Variants in NRG3 observed in about 807,000 individuals in gnomAD.
The protein encoded by NRG3 is pro-neuregulin-3, membrane-bound isoform.
NRG3 carries 31 observed loss-of-function variants against 66.9 expected under a neutral mutation model. That is an observed-to-expected ratio of 0.46 (90% confidence interval 0.35 to 0.63). NRG3 has a LOEUF of 0.63. Among genes scored for constraint, NRG3 ranks in the 20% least tolerant of loss-of-function variants. NRG3 has a pLI of 0.00. For missense variants in NRG3, 910 were observed against 878.9 expected, an observed-to-expected ratio of 1.04 and a Z score of -0.45; for synonymous variants, 393 against 359.4, an observed-to-expected ratio of 1.09 and a Z score of -1.06.
intron 2 of NRG3, among the ~76,000 whole-genome samples, chr10:82,406,712 G>T (rs1167294606): frequency 7.9e-5 from 12 of 152,028 alleles, no homozygotes. Flanking sequence ...TGACTCCTGA[G>T]GATTTTTTTT....
chr10:81,996,009 T>C (rs112339367), intron 1 of NRG3, among the ~76,000 whole-genome samples: 21 of 152,326 alleles, frequency 1.4e-4, no homozygotes, highest in African/African-American at 5.0e-4. Context: ...TCTGGAATTT[T>C]TTTTTCTTTA....
At chr10:82,503,206 G>T (rs1844363644) in intron 2 of NRG3, among the ~76,000 whole-genome samples, 1 of 152,144 alleles carries the variant, frequency 6.6e-6, no homozygotes. Flanking sequence ...TTTACAAGCT[G>T]TGTAAATATT....
intron 4 of NRG3, among the ~76,000 whole-genome samples, chr10:82,877,414 T>C (rs1349608435): frequency 6.7e-6 from 1 of 148,882 alleles, no homozygotes; most frequent in Non-Finnish European, 1.5e-5. Context: ...AATTTCTCTC[T>C]TGTTGCCCAG....
At chr10:82,386,580 C>T (rs1008948763) in intron 2 of NRG3, among the ~76,000 whole-genome samples, 3 of 152,014 alleles carry the variant, frequency 2.0e-5, no homozygotes, top group African/African-American at 4.8e-5. Flanking sequence ...GAAATCTTAT[C>T]GAACATTTAA....
chr10:82,016,037 G>A (rs1289039131), intron 1 of NRG3, among the ~76,000 whole-genome samples: 1 of 150,804 alleles, frequency 6.6e-6, no homozygotes, highest in East Asian at 1.9e-4. Flanking sequence ...ATATGAGGTA[G>A]TTAGCAACTG....
At chr10:82,212,236 A>G (rs2075433970) in intron 1 of NRG3, among the ~76,000 whole-genome samples, 2 of 152,202 alleles carry the variant, frequency 1.3e-5, no homozygotes. Flanking sequence ...TGAGGAGCAA[A>G]GAAGCACCTC....
In NRG3 at chr10:82,715,842, G is replaced by T. The variant is rs890280062; in HGVS notation, c.954-22735G>T. On this transcript the variant is annotated intron_variant, in intron 2 of 8. Transcript: ENST00000372141. The stretch of plus-strand genomic sequence containing the variant: ...GGTTGAATTTCAGGTCACCATCATG[G>T]TTGTACCTGTTGAGGGGCCTCCTCC... Among the ~76,000 whole-genome samples the T allele has an allele frequency of 2.0e-5, 3 of 152,186 alleles. No individual in the cohort carries two copies. In the East Asian group the frequency reaches 5.8e-4, roughly 30 times the overall value.
intron 2 of NRG3, among the ~76,000 whole-genome samples, chr10:82,702,509 C>T (rs1385447598): frequency 6.6e-6 from 1 of 152,150 alleles, no homozygotes; most frequent in Non-Finnish European, 1.5e-5. Flanking sequence ...TATGCATACA[C>T]ACAAACTTAC....
intron 2 of NRG3, among the ~76,000 whole-genome samples, chr10:82,581,809 AT>A (rs567467937): frequency 2.6e-5 from 4 of 151,872 alleles, no homozygotes; most frequent in Admixed American, 6.6e-5. Context: ...GGTAACCTAG[AT>A]TTTTTTTCCT....
intron 1 of NRG3, among the ~76,000 whole-genome samples, chr10:82,047,950 T>TAC (rs2063389811): frequency 2.0e-5 from 3 of 151,730 alleles, no homozygotes; most frequent in African/African-American, 7.3e-5. Flanking sequence ...GTTGCAATCC[T>TAC]CATCTCTGAT....
At chr10:82,800,798 A>G (rs571945097) in intron 3 of NRG3, among the ~76,000 whole-genome samples, 3 of 152,260 alleles carry the variant, frequency 2.0e-5, no homozygotes, top group East Asian at 1.9e-4. Context: ...GAGTCTCCCA[A>G]TTTGAATTTT....
chr10:81,942,758 A>T (rs916919465), intron 1 of NRG3, among the ~76,000 whole-genome samples: 4 of 152,186 alleles, frequency 2.6e-5, no homozygotes, highest in African/African-American at 9.6e-5. Flanking sequence ...CTTTCACATT[A>T]TACTAACACA....
chr10:82,274,018 G>A (rs56082959), intron 1 of NRG3, among the ~76,000 whole-genome samples: 4 of 150,618 alleles, frequency 2.7e-5, no homozygotes, highest in Non-Finnish European at 4.5e-5. Flanking sequence ...TATTGCAAAC[G>A]TTCTTGCAAC....
At chr10:82,441,045 T>C (rs766648118) in intron 2 of NRG3, among the ~76,000 whole-genome samples, 1 of 152,320 alleles carries the variant, frequency 6.6e-6, no homozygotes, top group Non-Finnish European at 1.5e-5. Context: ...ATTTAGAAAT[T>C]TGTGGAATTT....
At chr10:82,204,800 C>A (rs2075036422) in intron 1 of NRG3, among the ~76,000 whole-genome samples, 1 of 152,194 alleles carries the variant, frequency 6.6e-6, no homozygotes, top group Non-Finnish European at 1.5e-5. Flanking sequence ...ATTCTCAAAA[C>A]AGTGAAGTGG....
intron 1 of NRG3, among the ~76,000 whole-genome samples, chr10:82,253,969 T>C (rs1402404173): frequency 6.6e-6 from 1 of 152,162 alleles, no homozygotes; most frequent in African/African-American, 2.4e-5. Context: ...GAAAAACAGC[T>C]CCCGTTCATT....
At chr10:82,437,722 G>A (rs1409908757) in intron 2 of NRG3, among the ~76,000 whole-genome samples, 1 of 152,018 alleles carries the variant, frequency 6.6e-6, no homozygotes, top group Admixed American at 6.6e-5. Flanking sequence ...GGGTTTTTGT[G>A]GGGGCTTTTT....
chr10:82,089,828 G>A (rs975005510), intron 1 of NRG3, among the ~76,000 whole-genome samples: 8 of 152,146 alleles, frequency 5.3e-5, no homozygotes, highest in Admixed American at 2.0e-4. Context: ...ACAATAGGAA[G>A]GCATGTGGGC....
intron 2 of NRG3, among the ~76,000 whole-genome samples, chr10:82,605,796 A>G (rs1565119512): frequency 6.6e-6 from 1 of 152,054 alleles, no homozygotes; most frequent in Non-Finnish European, 1.5e-5. Context: ...TAATAGATAT[A>G]GGCCCATACA....
Sources: allele counts gnomAD v4.1 joint callset (sites outside exome capture counted in the v4.1 genomes callset), GRCh38; gene constraint gnomAD v4.1.1; transcripts MANE v1.5; gene names NCBI Gene and HGNC (gene_info 2026-07-23, HGNC 2026-07-21).